Variants in ZNF609 observed in about 807,000 individuals in gnomAD.
The protein encoded by ZNF609 is zinc finger protein 609.
In ZNF609, 11 loss-of-function variants were observed where a neutral mutation model predicts 109.5. The observed-to-expected ratio is 0.10, with a 90% CI of 0.06 to 0.17. The LOEUF is 0.17. Among genes scored for constraint, ZNF609 ranks in the 10% least tolerant of loss-of-function variants. ZNF609 has a pLI of 1.00. For missense variants in ZNF609, 1,559 were observed against 1,772.4 expected (o/e 0.88, Z 2.16); for synonymous variants, 646 against 662.0 (o/e 0.98, Z 0.37).
chr15:64,494,458 CACTG>C (rs1421861472), intron 1 of ZNF609, among the ~76,000 whole-genome samples: 2 of 152,158 alleles, frequency 1.3e-5, no homozygotes, highest in Non-Finnish European at 2.9e-5. Flanking sequence ...AACTTCTACT[CACTG>C]ACTCTCTTTC....
At chr15:64,515,081 T>C (rs1285415983) in intron 2 of ZNF609, among the ~76,000 whole-genome samples, 1 of 152,198 alleles carries the variant, frequency 6.6e-6, no homozygotes, top group East Asian at 1.9e-4. Flanking sequence ...TCTTCCTTCC[T>C]TCTCAAATAA....
At chr15:64,658,500 C>G (rs148698399) in intron 3 of ZNF609, among the ~76,000 whole-genome samples, 67 of 151,984 alleles carry the variant, frequency 4.4e-4, no homozygotes, top group Non-Finnish European at 8.7e-4. Flanking sequence ...TCCAGCCTAA[C>G]TTAAAAATTA....
At chr15:64,531,776 T>TG (rs1011396554) in intron 2 of ZNF609, among the ~76,000 whole-genome samples, 3 of 152,084 alleles carry the variant, frequency 2.0e-5, no homozygotes, top group Non-Finnish European at 4.4e-5. Context: ...ATGAAAGACT[T>TG]GGGAAAAAAA....
intron 3 of ZNF609, among the ~76,000 whole-genome samples, chr15:64,650,433 A>AT (rs1896399381): frequency 6.7e-6 from 1 of 149,266 alleles, no homozygotes; most frequent in African/African-American, 2.5e-5. Flanking sequence ...AAAAAAAAAA[A>AT]TTGTAAAAAA....
intron 9 of ZNF609, 119 bp from the exon 10 acceptor site, chr15:64,681,573 C>T: frequency 1.7e-6 from 1 of 583,878 alleles, no homozygotes; most frequent in Admixed American, 3.0e-5. Flanking sequence ...CTGTGGAACA[C>T]AGTGTCCCCT....
intron 2 of ZNF609, among the ~76,000 whole-genome samples, chr15:64,621,353 CT>C (rs111586542): frequency 4.0e-3 from 568 of 142,842 alleles, no homozygotes; most frequent in Admixed American, 4.2e-3. Flanking sequence ...TCATTTCATT[CT>C]TTTTTTTTTT....
chr15:64,583,738 T>C (rs1895149257), intron 2 of ZNF609, among the ~76,000 whole-genome samples: 1 of 152,128 alleles, frequency 6.6e-6, no homozygotes, highest in Non-Finnish European at 1.5e-5. Flanking sequence ...ATCGTGAATG[T>C]AGGGGAGGTG....
At chr15:64,509,011 G>A (rs187688263) in intron 2 of ZNF609, among the ~76,000 whole-genome samples, 6 of 152,150 alleles carry the variant, frequency 3.9e-5, no homozygotes, top group South Asian at 4.1e-4. Context: ...AACAATTTGC[G>A]TTTTAACATT....
chr15:64,564,379 C>A (rs1894740897), intron 2 of ZNF609, among the ~76,000 whole-genome samples: 1 of 151,978 alleles, frequency 6.6e-6, no homozygotes, highest in South Asian at 2.1e-4. Context: ...GTTATGTAAT[C>A]CACATTAGTA....
chr15:64,552,784 G>C (rs1041313857), intron 2 of ZNF609, among the ~76,000 whole-genome samples: 2 of 152,080 alleles, frequency 1.3e-5, no homozygotes, highest in African/African-American at 2.4e-5. Flanking sequence ...AAGTAGCTGG[G>C]ACTACAGGCA....
At chr15:64,483,379 C>T (rs1893283948) in intron 1 of ZNF609, among the ~76,000 whole-genome samples, 2 of 152,014 alleles carry the variant, frequency 1.3e-5, no homozygotes, top group Non-Finnish European at 2.9e-5. Flanking sequence ...CAGGCGTGAG[C>T]CACCAAGCCT....
intron 2 of ZNF609, among the ~76,000 whole-genome samples, chr15:64,588,842 T>C (rs1895246984): frequency 6.6e-6 from 1 of 152,120 alleles, no homozygotes; most frequent in Admixed American, 6.6e-5. Flanking sequence ...TTCACCATAT[T>C]GGTCAGGCTG....
intron 1 of ZNF609, among the ~76,000 whole-genome samples, chr15:64,493,223 T>G (rs1893438699): frequency 1.3e-5 from 2 of 152,146 alleles, no homozygotes; most frequent in African/African-American, 2.4e-5. Context: ...CTTGTTATGT[T>G]TGGATATGAG....
At chr15:64,563,467 TTGAAAATAAC>T (rs923860782) in intron 2 of ZNF609, among the ~76,000 whole-genome samples, 2 of 150,718 alleles carry the variant, frequency 1.3e-5, no homozygotes, top group Non-Finnish European at 3.0e-5. Context: ...AAAAAAATAA[TTGAAAATAAC>T]TGAAAATTTA....
At chr15:64,623,442 C>T (rs1208686755) in intron 3 of ZNF609, among the ~76,000 whole-genome samples, 2 of 152,184 alleles carry the variant, frequency 1.3e-5, no homozygotes, top group Admixed American at 1.3e-4. Context: ...AGAATAGTCA[C>T]TCTTAAATTC....
intron 3 of ZNF609, chr15:64,654,474 C>G (rs1393380241): frequency 6.6e-5 from 10 of 151,636 alleles, no homozygotes; most frequent in African/African-American, 2.4e-4. Context: ...TATATTTTTT[C>G]TTTTTTATAG....
intron 3 of ZNF609, among the ~76,000 whole-genome samples, chr15:64,667,238 A>G (rs1340500087): frequency 6.6e-6 from 1 of 152,240 alleles, no homozygotes; most frequent in African/African-American, 2.4e-5. Context: ...TTCTAACTCC[A>G]TGTCCAGTGA....
chr15:64,500,666 C>A, intron 2 of ZNF609: 1 of 515,000 alleles, frequency 1.9e-6, no homozygotes, highest in South Asian at 2.6e-5. Context: ...GGCATATCTA[C>A]GAAGTGTTCT....
chr15:64,639,062 C>A (rs1315798831), intron 3 of ZNF609, among the ~76,000 whole-genome samples: 2 of 152,076 alleles, frequency 1.3e-5, no homozygotes, highest in Admixed American at 1.3e-4. Context: ...GAGTTTGAAA[C>A]CAGCCTGGGC....
Sources: gnomAD v4.1 joint callset for allele counts (sites outside exome capture counted in the v4.1 genomes callset) on GRCh38, gnomAD v4.1.1 for gene constraint, MANE v1.5 for transcripts, NCBI Gene and HGNC (gene_info 2026-07-23, HGNC 2026-07-21) for gene names.